MYO15A: variants seen among roughly 807,000 people sequenced by gnomAD.
The protein encoded by MYO15A is myosin XVA.
MYO15A carries 308 observed loss-of-function variants against 394.6 expected under a neutral mutation model. The observed-to-expected ratio is 0.78, with a 90% CI of 0.71 to 0.86. The LOEUF (loss-of-function observed/expected upper bound fraction) is 0.86, where lower values mean the gene tolerates loss of function less well. MYO15A is among the 40% of genes least tolerant of loss of function. The probability of loss-of-function intolerance (pLI) is 0.00; values close to 1 mark genes in which losing one functional copy is unlikely to be tolerated. For synonymous variants in MYO15A, 1,957 were observed against 2,003.8 expected (o/e 0.98, Z 0.62); for missense variants, 4,606 against 4,799.1 (o/e 0.96, Z 1.19).
At chr17:18,162,525 A>G (rs1393710179) in intron 57 of MYO15A, 60 bp from the exon 58 acceptor site, 19 of 1,488,662 alleles carry the variant, frequency 1.3e-5, no homozygotes, top group Non-Finnish European at 1.7e-5. Context: ...TGGCAAGAGG[A>G]GCGAGCCCCT....
chr17:18,126,792 C>T lies in MYO15A; in HGVS notation c.3868C>T (p.His1290Tyr). The T allele has an allele frequency of 6.2e-7, 1 of 1,613,272 alleles. No homozygotes were observed. The highest frequency in any genetic ancestry group is 8.5e-7 in the Non-Finnish European group (1 of 1,179,786). Residue 1290 changes from histidine (H) to tyrosine (Y), a missense_variant and splice_region_variant, in exon 6 of 66, where the codon CAC becomes TAC. This residue lies in a region of MYO15A where 2,776 missense variants were observed against 3,109.3 expected (regional missense o/e 0.89). Coordinates refer to ENST00000647165, the MANE Select transcript of MYO15A (RefSeq NM_016239.4). Reference sequence around the variant, plus strand: ...AGCTCTAATGACCTGTCTCCCCAGGCACCTCTTTGCTGTTGCAAATCTCGC... The same window carrying T: ...AGCTCTAATGACCTGTCTCCCCAGGTACCTCTTTGCTGTTGCAAATCTCGC... The part of the protein sequence containing the change: ...NGRALGENPP[H>Y]LFAVANLAFA...
intron 62 of MYO15A, among the ~76,000 whole-genome samples, chr17:18,170,579 G>T (rs895951392): frequency 6.6e-6 from 1 of 151,762 alleles, no homozygotes; most frequent in African/African-American, 2.4e-5. Flanking sequence ...GACTGGTCTC[G>T]AACTCTTGGG....
intron 7 of MYO15A, 126 bp downstream of exon 7, chr17:18,127,291 G>T: frequency 8.3e-7 from 1 of 1,211,162 alleles, no homozygotes; most frequent in Non-Finnish European, 1.2e-6. Flanking sequence ...TCCAGAAGGG[G>T]GCCTTGCCCA....
Position 18,121,495 on chromosome 17 carries a change from G to T in MYO15A, c.2695G>T (p.Ala899Ser). The T allele has an allele frequency of 6.4e-7, 1 of 1,552,146 alleles. No individual in the cohort carries two copies. Among genetic ancestry groups the T allele is most frequent in the Non-Finnish European group, 8.7e-7 (1 of 1,148,256 alleles). The change falls in exon 2 of 66, where the codon GCC becomes TCC. Residue 899 changes from alanine to serine, a missense_variant. Transcript: ENST00000647165. The surrounding 1 kb of genome is among the most constrained non-coding windows in gnomAD (Gnocchi z 5.3). ...CTTCCACCGACCGCCCAGGGCCGGGGCCTGGCGGGCGCCCCTGGAACACCG... is the reference window on the plus strand; with the variant it reads ...CTTCCACCGACCGCCCAGGGCCGGGTCCTGGCGGGCGCCCCTGGAACACCG... ...LPFHRPPRAG[A>S]WRAPLEHRES...
intron 38 of MYO15A, 48 bp from the exon 39 acceptor site, chr17:18,151,062 A>G (rs1425849654): frequency 3.1e-6 from 5 of 1,610,580 alleles, no homozygotes; most frequent in Admixed American, 1.7e-5. Context: ...CCCAGAGAGC[A>G]GCCTGGTATA....
chr17:18,159,440 A>G, intron 54 of MYO15A, 93 bp downstream of exon 54: 1 of 1,518,912 alleles, frequency 6.6e-7, no homozygotes, highest in Non-Finnish European at 9.1e-7. Flanking sequence ...TGATCTTCAG[A>G]TTCTTTCCCT....
chr17:18,134,554 G>T (rs1432324874), intron 12 of MYO15A, among the ~76,000 whole-genome samples: 1 of 152,070 alleles, frequency 6.6e-6, no homozygotes, highest in Non-Finnish European at 1.5e-5. Flanking sequence ...TTCCCAGGTG[G>T]TTACTCAATT....
rs763661195 is a variant in MYO15A at position 18,150,836 on chromosome 17, G to A, written c.7396G>A (p.Ala2466Thr). ...AFIHKQAVLL[A>T]REMTLQATAL... is the part of the protein sequence containing the mutation. Reference sequence around the variant, plus strand: ...GGTCACCACTGCCACCTCTCCCCAGGCCCGGGAGATGACCCTGCAGGCCAC... The same window carrying A: ...GGTCACCACTGCCACCTCTCCCCAGACCCGGGAGATGACCCTGCAGGCCAC... Residue 2466 changes from alanine to threonine, a missense_variant and splice_region_variant, in exon 38 of 66, where the codon GCC becomes ACC. Physicochemically the swap from Ala to Thr is moderately conservative, Grantham distance 58. This residue lies in a region of MYO15A where 2,776 missense variants were observed against 3,109.3 expected (regional missense o/e 0.89). Coordinates refer to ENST00000647165, the MANE Select transcript of MYO15A (RefSeq NM_016239.4). This position sits in a 1 kb window ranked among gnomAD's most constrained non-coding sequence, Gnocchi z 4.4. 1.3e-5 allele frequency: 20 copies of A among 1,593,052 alleles called. No individual in the cohort carries two copies. Among genetic ancestry groups the A allele is most frequent in the South Asian group, 4.5e-5 (4 of 88,236 alleles).
chr17:18,152,670 C>A (rs2046604389), intron 42 of MYO15A, among the ~76,000 whole-genome samples: 1 of 152,170 alleles, frequency 6.6e-6, no homozygotes, highest in Admixed American at 6.5e-5. Flanking sequence ...CTCACCGTGG[C>A]CTATGAGACG....
intron 65 of MYO15A, among the ~76,000 whole-genome samples, chr17:18,175,689 G>A (rs1330121703): frequency 6.6e-6 from 1 of 152,116 alleles, no homozygotes; most frequent in East Asian, 1.9e-4. Context: ...TACCATCACA[G>A]CATCCATACT....
At chr17:18,128,675 G>A (rs1000453060) in intron 7 of MYO15A, among the ~76,000 whole-genome samples, 2 of 152,224 alleles carry the variant, frequency 1.3e-5, no homozygotes, top group African/African-American at 4.8e-5. Context: ...CTGTGGCCAG[G>A]CACAGTGCTG....
rs1256997668 is a variant in MYO15A, at chr17:18,149,576, A to C, written c.7208A>C (p.Asp2403Ala). The change falls in exon 35 of 66, where the codon GAT becomes GCT. Residue 2403 changes from aspartate to alanine, a missense_variant. Asp to Ala is a moderately radical substitution (Grantham distance 126). Around this residue, in one of 2 missense-constraint regions of MYO15A, gnomAD observed 2,776 missense variants for 3,109.3 expected, o/e 0.89. Transcript: ENST00000647165. ...SLFDPVLSYGDADLEKPTAIA... is the reference protein window; with the variant it reads ...SLFDPVLSYGAADLEKPTAIA... Reference sequence around the variant, plus strand: ...TTTGACCCTGTGCTGTCCTACGGGGATGCGGTAGGGATGGTGTGGGGTGGG... The same window carrying C: ...TTTGACCCTGTGCTGTCCTACGGGGCTGCGGTAGGGATGGTGTGGGGTGGG... 6.2e-7 allele frequency: 1 copy of C among 1,613,672 alleles called. No individual in the cohort carries two copies. Among genetic ancestry groups the C allele is most frequent in the South Asian group, 1.1e-5 (1 of 91,066 alleles).
chr17:18,161,115 G>T, intron 56 of MYO15A: 1 of 836,424 alleles, frequency 1.2e-6, no homozygotes, highest in Non-Finnish European at 2.0e-6. Context: ...GATGTCTGGG[G>T]CCCCATCCCC....
rs747691685 is a variant in MYO15A, at chr17:18,141,678, C to A, written c.5557C>A (p.His1853Asn). Residue 1853 changes from histidine (H) to asparagine (N), a missense_variant, in exon 23 of 66, where the codon CAT (histidine) becomes AAT (asparagine). His to Asn is a moderately conservative substitution (Grantham distance 68). Around this residue, in one of 2 missense-constraint regions of MYO15A, gnomAD observed 2,776 missense variants for 3,109.3 expected, o/e 0.89. Coordinates refer to ENST00000647165, the MANE Select transcript of MYO15A (RefSeq NM_016239.4). ...DRYCCLVALK[H>N]DLPANGDMCV... ...GTACTGCTGTCTAGTGGCCCTCAAG[C>A]ATGACCTGCCGGCTAATGGGGACAT... The A allele has an allele frequency of 6.2e-7, 1 of 1,614,128 alleles. No homozygotes were observed. The highest frequency in any genetic ancestry group is 1.1e-5 in the South Asian group (1 of 91,082).
rs1286263490 is a variant in MYO15A at position 18,119,460 on chromosome 17, C to A, written c.660C>A (p.Arg220=). The change falls in exon 2 of 66, where the codon CGC becomes CGA. Residue 220 remains arginine, a synonymous_variant. Coordinates refer to ENST00000647165, the MANE Select transcript of MYO15A (RefSeq NM_016239.4). ...DEAPFHHSGS[R]KSLYGLEGFQ... ...CCCCATTCCATCACTCGGGCTCCCG[C>A]AAGTCGCTGTACGGGCTTGAGGGCT... 5 of 1,612,628 alleles carry A rather than the reference C, an allele frequency of 3.1e-6. No homozygotes were observed. The highest frequency in any genetic ancestry group is 3.4e-6 in the Non-Finnish European group (4 of 1,180,010).
At chr17:18,111,552 G>A (rs2045722178) in intron 1 of MYO15A, among the ~76,000 whole-genome samples, 1 of 152,220 alleles carries the variant, frequency 6.6e-6, no homozygotes, top group Non-Finnish European at 1.5e-5. Context: ...CCCGCTCTGT[G>A]CCTGCACAGA....
chr17:18,142,080 T>A lies in MYO15A; in HGVS notation c.5651T>A (p.Leu1884Gln), dbSNP rs767235021. The A allele has an allele frequency of 6.2e-7, 1 of 1,612,494 alleles. No individual in the cohort carries two copies. The highest frequency in any genetic ancestry group is 1.3e-5 in the African/African-American group (1 of 74,940). ...PNMYRVGVSKLFLKEHLYQLL... is the reference protein window; with the variant it reads ...PNMYRVGVSKQFLKEHLYQLL... Reference sequence around the variant, plus strand: ...TCAGTGCCTTCCTCCTGTCCTTAGCTGTTCCTTAAGGAACACCTATACCAG... The same window carrying A: ...TCAGTGCCTTCCTCCTGTCCTTAGCAGTTCCTTAAGGAACACCTATACCAG... Residue 1884 changes from leucine to glutamine, a missense_variant and splice_region_variant, in exon 24 of 66, where the codon CTG (leucine) becomes CAG (glutamine). Leu to Gln is a moderately radical substitution (Grantham distance 113, BLOSUM62 -2). This residue lies in a region of MYO15A where 2,776 missense variants were observed against 3,109.3 expected (regional missense o/e 0.89). Coordinates refer to ENST00000647165, the MANE Select transcript of MYO15A (RefSeq NM_016239.4).
At chr17:18,136,735 G>T in intron 15 of MYO15A, 49 bp downstream of exon 15, 3 of 1,544,058 alleles carry the variant, frequency 1.9e-6, no homozygotes, top group Non-Finnish European at 1.7e-6. Flanking sequence ...GCAAGGTCTC[G>T]CCTCCCTCAG....
At chr17:18,141,197 T>C (rs1306334253) in intron 22 of MYO15A, 54 bp downstream of exon 22, 3 of 1,609,312 alleles carry the variant, frequency 1.9e-6, no homozygotes, top group South Asian at 1.1e-5. Context: ...CAACTCCCCA[T>C]GGCCCCAGGA....
Sources: allele counts gnomAD v4.1 joint callset (sites outside exome capture counted in the v4.1 genomes callset), GRCh38; gene constraint gnomAD v4.1.1; regional missense constraint gnomAD v4.1.1; non-coding constraint Gnocchi (gnomAD v3.1); transcripts MANE v1.5; gene names NCBI Gene and HGNC (gene_info 2026-07-23, HGNC 2026-07-21).